Variants in PCSK6 observed in about 807,000 individuals in gnomAD.
The protein encoded by PCSK6 is proprotein convertase subtilisin/kexin type 6.
In PCSK6, 85 loss-of-function variants were observed where a neutral mutation model predicts 123.3. That is an observed-to-expected ratio of 0.69 (90% confidence interval 0.58 to 0.83). The LOEUF (loss-of-function observed/expected upper bound fraction) is 0.83, where lower values mean the gene tolerates loss of function less well. Among genes scored for constraint, PCSK6 ranks in the 40% least tolerant of loss-of-function variants. The pLI, the probability that PCSK6 is intolerant of heterozygous loss-of-function variation, is 0.00. For synonymous variants in PCSK6, 508 were observed against 516.0 expected, an observed-to-expected ratio of 0.98 and a Z score of 0.21; for missense variants, 1,191 against 1,282.3, an observed-to-expected ratio of 0.93 and a Z score of 1.09.
At chr15:101,455,205 C>T (rs924596778) in intron 1 of PCSK6, among the ~76,000 whole-genome samples, 1 of 152,166 alleles carries the variant, frequency 6.6e-6, no homozygotes, top group African/African-American at 2.4e-5. Context: ...CCACCTTTCC[C>T]ACCTCTCTTG....
Position 101,386,199 on chromosome 15 carries a change from C to T in PCSK6, c.1311-1774G>A, listed in dbSNP as rs73479150. ...CTCAGGGAATGTGACCCTAGGAACA[C>T]GGACTAAGTAAAATCGGGGGAGCTG... On this transcript the variant is annotated intron_variant, in intron 9 of 21. Coordinates refer to ENST00000611716, the MANE Select transcript of PCSK6 (RefSeq NM_002570.5). 3.6e-3 allele frequency among the ~76,000 whole-genome samples: 552 copies of T among 152,164 alleles called. 2 individuals carry two copies. Among genetic ancestry groups the T allele is most frequent in the African/African-American group, 0.012 (510 of 41,512 alleles).
At chr15:101,364,870 C>A in intron 13 of PCSK6, 1 of 591,244 alleles carries the variant, frequency 1.7e-6, no homozygotes, top group East Asian at 2.8e-5. Context: ...AAAGAACCAC[C>A]AAGTTGGAGG....
At chr15:101,363,728 C>G (rs2041304478) in intron 13 of PCSK6, among the ~76,000 whole-genome samples, 1 of 151,684 alleles carries the variant, frequency 6.6e-6, no homozygotes, top group Admixed American at 6.6e-5. Flanking sequence ...CTCCCGGGTT[C>G]AAGCCATTCT....
intron 1 of PCSK6, among the ~76,000 whole-genome samples, chr15:101,488,987 G>C (rs1254646931): frequency 6.7e-6 from 1 of 150,252 alleles, no homozygotes. Context: ...CCAGGACCCA[G>C]CGGCGGACGG....
At chr15:101,470,589 G>A (rs930328272) in intron 1 of PCSK6, among the ~76,000 whole-genome samples, 47 of 151,808 alleles carry the variant, frequency 3.1e-4, no homozygotes, top group African/African-American at 9.4e-4. Flanking sequence ...ACATCCCTCC[G>A]GCATTCATTT....
At chr15:101,403,493 T>C (rs1335989570) in intron 6 of PCSK6, among the ~76,000 whole-genome samples, 1 of 152,064 alleles carries the variant, frequency 6.6e-6, no homozygotes, top group African/African-American at 2.4e-5. Context: ...TTCTTTTTGT[T>C]TTCTAAAAAC....
intron 2 of PCSK6, among the ~76,000 whole-genome samples, chr15:101,440,911 A>C (rs1407478040): frequency 6.6e-6 from 1 of 152,250 alleles, no homozygotes; most frequent in Non-Finnish European, 1.5e-5. Flanking sequence ...AAATTTAAAC[A>C]GAGGTATTTC....
intron 11 of PCSK6, among the ~76,000 whole-genome samples, chr15:101,376,189 C>T (rs902571298): frequency 6.6e-6 from 1 of 152,096 alleles, no homozygotes; most frequent in African/African-American, 2.4e-5. Context: ...ACCTCCTGGG[C>T]TCAAGCGATC....
At chr15:101,402,955 T>G (rs1315920625) in intron 6 of PCSK6, among the ~76,000 whole-genome samples, 1 of 152,146 alleles carries the variant, frequency 6.6e-6, no homozygotes, top group Non-Finnish European at 1.5e-5. Flanking sequence ...CATGCTGCTA[T>G]AAAGACACAC....
intron 1 of PCSK6, among the ~76,000 whole-genome samples, chr15:101,445,380 G>A (rs865976394): frequency 3.3e-5 from 5 of 152,160 alleles, no homozygotes; most frequent in African/African-American, 9.7e-5. Context: ...ATTTGAACGC[G>A]ATATTTACGT....
intron 6 of PCSK6, among the ~76,000 whole-genome samples, chr15:101,409,184 G>A (rs28584307): frequency 6.6e-6 from 1 of 151,748 alleles, no homozygotes; most frequent in Non-Finnish European, 1.5e-5. Flanking sequence ...GAGGCTGAGC[G>A]CGGGGGCTCA....
intron 13 of PCSK6, among the ~76,000 whole-genome samples, chr15:101,353,211 G>C (rs182208740): frequency 2.4e-3 from 369 of 152,014 alleles, no homozygotes; most frequent in African/African-American, 8.6e-3. Flanking sequence ...ATGGGAGACA[G>C]TGACAGATCA....
intron 11 of PCSK6, among the ~76,000 whole-genome samples, chr15:101,371,787 C>T (rs770879936): frequency 1.1e-4 from 17 of 152,204 alleles, no homozygotes; most frequent in South Asian, 2.1e-4. Flanking sequence ...GGACACAGCT[C>T]GGAGTTCGGA....
intron 9 of PCSK6, among the ~76,000 whole-genome samples, chr15:101,386,931 G>A (rs1158922249): frequency 6.6e-6 from 1 of 152,120 alleles, no homozygotes; most frequent in African/African-American, 2.4e-5. Flanking sequence ...CGGCTGCTCT[G>A]CACACTCCCA....
In PCSK6 at chr15:101,312,829, C is replaced by CA. The variant is rs776290447; in HGVS notation, c.2699+546dup. On this transcript the variant is annotated intron_variant, in intron 20 of 21. Transcript: ENST00000611716. ...CTGGGCGACAGGCGAGACTCCATCT[C>CA]AAAAAAAACGAAAACAAAAACAAAA... Among the ~76,000 whole-genome samples, 32 of 150,862 alleles carry CA rather than the reference C, an allele frequency of 2.1e-4. No individual in the cohort carries two copies. In the East Asian group the frequency reaches 2.9e-3, roughly 14 times the overall value.
chr15:101,396,280 A>G (rs3784472), intron 7 of PCSK6, among the ~76,000 whole-genome samples: 129,793 of 151,996 alleles, frequency 0.85, 55,515 homozygotes, highest in East Asian at 0.94. Context: ...CAGAATTCCG[A>G]ATGCAAAGAT....
intron 6 of PCSK6, among the ~76,000 whole-genome samples, chr15:101,402,843 C>G (rs978289356): frequency 2.0e-4 from 31 of 152,050 alleles, no homozygotes; most frequent in Admixed American, 4.6e-4. Flanking sequence ...CTAGTTCAAC[C>G]ATTGTGGAAG....
intron 1 of PCSK6, among the ~76,000 whole-genome samples, chr15:101,473,843 C>A (rs561759892): frequency 3.3e-5 from 5 of 152,022 alleles, no homozygotes; most frequent in Non-Finnish European, 5.9e-5. Flanking sequence ...CCATTGCACT[C>A]CACCCTGAGT....
rs2042474363 is a variant in PCSK6 at position 101,398,240 on chromosome 15, TCA to T, written c.996+162_996+163del. The stretch of plus-strand genomic sequence containing the variant: ...GCTCTCGCCGGTCAAGAGCCACTTC[TCA>T]GACTCCCCGAGTGACTCCTCCACAC... On this transcript the variant is annotated intron_variant, in intron 7 of 21. Transcript: ENST00000611716. The surrounding 1 kb of genome is among the most constrained non-coding windows in gnomAD (Gnocchi z 4.6). 6.6e-6 allele frequency among the ~76,000 whole-genome samples: 1 copy of T among 152,194 alleles called. No individual in the cohort carries two copies. Among genetic ancestry groups the T allele is most frequent in the Non-Finnish European group, 1.5e-5 (1 of 68,028 alleles).
Sources: gnomAD v4.1 joint callset for allele counts (sites outside exome capture counted in the v4.1 genomes callset) on GRCh38, gnomAD v4.1.1 for gene constraint, Gnocchi (gnomAD v3.1) non-coding constraint, MANE v1.5 for transcripts, NCBI Gene and HGNC (gene_info 2026-07-23, HGNC 2026-07-21) for gene names.